The following SFTPC variants were observed in gnomAD, a reference collection of about 807,000 sequenced individuals.
The protein encoded by SFTPC is surfactant protein C, also known as BRICHOS domain containing 6.
In SFTPC, 12 loss-of-function variants were observed where a neutral mutation model predicts 19.9. The observed-to-expected ratio is 0.60, with a 90% CI of 0.39 to 0.98. SFTPC has a LOEUF of 0.98. Among genes scored for constraint, SFTPC ranks in the 50% least tolerant of loss-of-function variants. The pLI is 0.00. For synonymous variants in SFTPC, 123 were observed against 103.3 expected, an observed-to-expected ratio of 1.19 and a Z score of -1.16; for missense variants, 219 against 252.2, an observed-to-expected ratio of 0.87 and a Z score of 0.89.
upstream of SFTPC, chr8:22,158,742 A>G (rs1212175351): frequency 1.3e-5 from 2 of 152,294 alleles, no homozygotes; most frequent in Non-Finnish European, 2.9e-5. Flanking sequence ...ACAAAGCAGA[A>G]CGACTCACGC....
upstream of SFTPC, chr8:22,161,762 C>A (rs377267823): frequency 1.5e-5 from 25 of 1,613,502 alleles, no homozygotes; most frequent in African/African-American, 2.7e-5. Context: ...CCTCTCCCTA[C>A]GGACACATAT....
In SFTPC at chr8:22,163,206, G is replaced by A; in HGVS notation, c.324+4G>A. Reference sequence around the variant, plus strand: ...CGTGGTGTATGACTACCAGCAGGTGGGTATGCCCAGACCTCCTGACCCTGG... The same window carrying A: ...CGTGGTGTATGACTACCAGCAGGTGAGTATGCCCAGACCTCCTGACCCTGG... On this transcript the variant is annotated splice_donor_region_variant and intron_variant, in intron 3 of 5. Coordinates refer to ENST00000679463, the MANE Select transcript of SFTPC (RefSeq NM_001317778.2). The A allele has an allele frequency of 2.5e-6, 4 of 1,614,126 alleles. No homozygotes were observed. The African/African-American group carries it at 4.0e-5, about 16-fold the overall frequency.
In SFTPC at chr8:22,163,990, G is replaced by A. The variant is rs1315236148; in HGVS notation, c.525G>A (p.Leu175=). The A allele has an allele frequency of 1.2e-6, 2 of 1,612,642 alleles. No homozygotes were observed. The highest frequency in any genetic ancestry group is 1.7e-6 in the Non-Finnish European group (2 of 1,180,018). The change falls in exon 5 of 6, where the codon CTG becomes CTA. Residue 175 remains leucine (L), a synonymous_variant. Coordinates refer to ENST00000679463, the MANE Select transcript of SFTPC (RefSeq NM_001317778.2). ...SAPSGGDPAF[L]GMAVSTLCGE... ...CCTCCGGAGGGGACCCGGCCTTCCT[G>A]GGCATGGCCGTGAGCACCCTGTGTG...
chr8:22,161,860 A>G lies in SFTPC; in HGVS notation c.32A>G (p.Glu11Gly). The G allele has an allele frequency of 6.2e-7, 1 of 1,614,026 alleles. No individual in the cohort carries two copies. The highest frequency in any genetic ancestry group is 1.7e-5 in the Admixed American group (1 of 60,026). The change falls in exon 1 of 6, where the codon GAG becomes GGG. Residue 11 changes from glutamate (E) to glycine (G), a missense_variant. By Grantham distance (98) the Glu-to-Gly change is moderately conservative (BLOSUM62 -2). Transcript: ENST00000679463. ...GTGGGCAGCAAAGAGGTCCTGATGG[A>G]GAGCCCGCCGGTGAGTGTGGTTGCG... Reference protein sequence around the residue: MDVGSKEVLMESPPDYSAAPR... With the variant: MDVGSKEVLMGSPPDYSAAPR...
At chr8:22,161,390 C>T (rs1025900503), upstream of SFTPC, among the ~76,000 whole-genome samples, 2 of 152,158 alleles carry the variant, frequency 1.3e-5, no homozygotes, top group Non-Finnish European at 2.9e-5. Flanking sequence ...GAGCGCATCC[C>T]TATGTATCTA....
Position 22,163,592 on chromosome 8 carries a change from C to A in SFTPC, c.435+46C>A, listed in dbSNP as rs1249459427. On this transcript the variant is annotated intron_variant, in intron 4 of 5. Transcript: ENST00000679463. ...AGAGTGGGCTGTCTCCCTCCCAGGG[C>A]TGCTGGGAGGAGTGTCCGAATGGTG... 6 of 1,321,046 alleles carry A rather than the reference C, an allele frequency of 4.5e-6. No homozygotes were observed. In the African/African-American group the frequency reaches 5.7e-5, roughly 13 times the overall value. 81.8% of individuals were successfully genotyped at this position (1,321,046 alleles called of 1,614,324 possible).
upstream of SFTPC, among the ~76,000 whole-genome samples, chr8:22,158,245 T>C (rs1467303250): frequency 6.6e-6 from 1 of 152,182 alleles, no homozygotes; most frequent in Non-Finnish European, 1.5e-5. Flanking sequence ...TAAGTTGTGT[T>C]CTCCCAGCCA....
upstream of SFTPC, chr8:22,159,960 C>G: frequency 6.0e-6 from 4 of 670,894 alleles, no homozygotes; most frequent in South Asian, 6.5e-5. Context: ...TCTCCCACAT[C>G]TGGCACCTGC....
Position 22,164,041 on chromosome 8 carries a change from G to C in SFTPC, c.576G>C (p.Ter192TyrextTer70), listed in dbSNP as rs370068089. 10 of 1,611,780 alleles carry C rather than the reference G, an allele frequency of 6.2e-6. No individual in the cohort carries two copies. The African/African-American group carries it at 1.2e-4, about 19-fold the overall frequency. Residue 192 changes from the stop codon to tyrosine (Y), a stop_lost, in exon 5 of 6, where the codon TAG becomes TAC. Transcript: ENST00000679463. ...GCGAGGTGCCGCTCTACTACATCTA[G>C]GACGCCTCCGGTGAGCAGGTGTGAT... ...LCGEVPLYYI[*>Y] is the part of the protein sequence containing the mutation.
intron 5 of SFTPC, 25 bp from the exon 6 acceptor site, chr8:22,164,241 T>A (rs1436862413): frequency 6.5e-7 from 1 of 1,536,080 alleles, no homozygotes; most frequent in East Asian, 2.4e-5. Flanking sequence ...TCTCTGTCCA[T>A]CCTCAACATT....
At chr8:22,162,208 GAGA>G (rs963319504) in intron 1 of SFTPC, among the ~76,000 whole-genome samples, 1 of 152,180 alleles carries the variant, frequency 6.6e-6, no homozygotes, top group African/African-American at 2.4e-5. Flanking sequence ...TCGCCCGGTG[GAGA>G]AGGAGGAAGG....
chr8:22,164,129 G>A, intron 5 of SFTPC, 70 bp downstream of exon 5: 1 of 1,593,978 alleles, frequency 6.3e-7, no homozygotes. Context: ...GTGGAGGAGC[G>A]CTCGCGCTGA....
chr8:22,161,879 G>A lies in SFTPC; in HGVS notation c.42+9G>A. ...TGATGGAGAGCCCGCCGGTGAGTGTGGTTGCGTGTGTGTATGTATGTGTGC... is the reference window on the plus strand; with the variant it reads ...TGATGGAGAGCCCGCCGGTGAGTGTAGTTGCGTGTGTGTATGTATGTGTGC... On this transcript the variant is annotated intron_variant, in intron 1 of 5. Coordinates refer to ENST00000679463, the MANE Select transcript of SFTPC (RefSeq NM_001317778.2). 2 of 1,613,838 alleles carry A rather than the reference G, an allele frequency of 1.2e-6. No individual in the cohort carries two copies. Among genetic ancestry groups the A allele is most frequent in the Non-Finnish European group, 1.7e-6 (2 of 1,179,900 alleles).
rs3216166 is a variant in SFTPC, at chr8:22,164,226, G to GA, written c.*19-39dup. 0.33 allele frequency: 507,598 copies of GA among 1,535,748 alleles called. 84,833 individuals are homozygous for GA. Among genetic ancestry groups the GA allele is most frequent in the African/African-American group, 0.43 (31,235 of 73,094 alleles). On this transcript the variant is annotated intron_variant, in intron 5 of 5. Coordinates refer to ENST00000679463, the MANE Select transcript of SFTPC (RefSeq NM_001317778.2). ...ACAGACCGGTACTTCCCACTCCCCT[G>GA]ATTCTCTCTGTCCATCCTCAACATT... is the stretch of plus-strand genomic sequence containing the variant.
At chr8:22,163,703 C>G in intron 4 of SFTPC, 157 bp downstream of exon 4, 1 of 798,022 alleles carries the variant, frequency 1.3e-6, no homozygotes, top group Non-Finnish European at 2.2e-6. Context: ...TCCTTTCCTT[C>G]CCACCCCACT....
chr8:22,163,936 G>C lies in SFTPC; in HGVS notation c.471G>C (p.Gln157His). The C allele has an allele frequency of 6.2e-7, 1 of 1,613,866 alleles. No individual in the cohort carries two copies. Among genetic ancestry groups the C allele is most frequent in the Non-Finnish European group, 8.5e-7 (1 of 1,180,038 alleles). The stretch of plus-strand genomic sequence containing the variant: ...CAGTGCCTACGTCTAAGCTGGGCCA[G>C]GCAGAGGGGCGAGATGCAGGCTCAG... Reference protein sequence around the residue: ...KPAVPTSKLGQAEGRDAGSAP... With the variant: ...KPAVPTSKLGHAEGRDAGSAP... The change falls in exon 5 of 6, where the codon CAG (glutamine) becomes CAC (histidine). Residue 157 changes from glutamine (Q) to histidine (H), a missense_variant. Physicochemically the swap from Gln to His is conservative, Grantham distance 24. Coordinates refer to ENST00000679463, the MANE Select transcript of SFTPC (RefSeq NM_001317778.2).
chr8:22,159,383 C>T, upstream of SFTPC: 1 of 255,990 alleles, frequency 3.9e-6, no homozygotes, highest in Non-Finnish European at 7.7e-6. Flanking sequence ...AAGTACAGGC[C>T]AAAAAGTGAG....
chr8:22,164,301 C>T lies in SFTPC; in HGVS notation c.*54C>T. 1 of 1,536,184 alleles carries T rather than the reference C, an allele frequency of 6.5e-7. No homozygotes were observed. Among genetic ancestry groups the T allele is most frequent in the Non-Finnish European group, 8.7e-7 (1 of 1,146,912 alleles). The stretch of plus-strand genomic sequence containing the variant: ...AGCCCCAACGGGAAAGGAAACGCCC[C>T]GGGCAAAGGGTCTTTTGCAGCTTTT... On this transcript the variant is annotated 3_prime_UTR_variant, in exon 6 of 6. Coordinates refer to ENST00000679463, the MANE Select transcript of SFTPC (RefSeq NM_001317778.2).
chr8:22,157,597 C>G (rs75782495), upstream of SFTPC: 3,241 of 152,518 alleles, frequency 0.021, 42 homozygotes, highest in Admixed American at 0.055. Flanking sequence ...GGTTCACGGT[C>G]GTCCTTCCAT....
Sources: gnomAD v4.1 joint callset for allele counts (sites outside exome capture counted in the v4.1 genomes callset) on GRCh38, gnomAD v4.1.1 for gene constraint, MANE v1.5 for transcripts, NCBI Gene and HGNC (gene_info 2026-07-23, HGNC 2026-07-21) for gene names.